Variants in ANKRD17 observed in about 807,000 individuals in gnomAD.
ANKRD17 encodes ankyrin repeat domain 17.
Under a neutral mutation model 229.7 loss-of-function variants are expected in ANKRD17, and 19 were observed. The observed-to-expected ratio is 0.08, with a 90% CI of 0.06 to 0.12. ANKRD17 has a LOEUF of 0.12. ANKRD17 is among the 10% of genes least tolerant of loss of function. The probability of loss-of-function intolerance (pLI) is 1.00; values close to 1 mark genes in which losing one functional copy is unlikely to be tolerated. For missense variants in ANKRD17, 2,176 were observed against 3,176.8 expected (o/e 0.68, Z 7.57); for synonymous variants, 1,112 against 1,146.1 (o/e 0.97, Z 0.60).
chr4:73,155,508 G>A (rs1731547370), intron 5 of ANKRD17, 123 bp downstream of exon 5: 3 of 1,013,762 alleles, frequency 3.0e-6, no homozygotes, highest in East Asian at 2.6e-5. Flanking sequence ...ACAGATGTGT[G>A]AGAATATGTA....
In ANKRD17 at chr4:73,098,595, A is replaced by G. The variant is rs139400978; in HGVS notation, c.4574-75T>C. The G allele has an allele frequency of 1.1e-4, 149 of 1,373,910 alleles. 1 individual carries two copies. In the East Asian group the frequency reaches 3.3e-3, roughly 30 times the overall value. The allele number at this position is 1,373,910 out of a possible 1,614,324, so 85.1% of individuals were successfully genotyped here. ...GTATTTAGCTATAAGCACTTGAAGAAAAGAAAAACCCAGGAGAGATACTCT... is the reference window on the plus strand; with the variant it reads ...GTATTTAGCTATAAGCACTTGAAGAGAAGAAAAACCCAGGAGAGATACTCT... On this transcript the variant is annotated intron_variant, in intron 25 of 33. Transcript: ENST00000358602.
intron 1 of ANKRD17, among the ~76,000 whole-genome samples, chr4:73,223,401 C>T (rs1288840864): frequency 2.6e-5 from 4 of 152,196 alleles, no homozygotes; most frequent in African/African-American, 9.7e-5. Context: ...GGTTACGCAG[C>T]AATTTATCCT....
chr4:73,095,812 A>G (rs112868735), intron 27 of ANKRD17, among the ~76,000 whole-genome samples: 110 of 151,976 alleles, frequency 7.2e-4, no homozygotes, highest in African/African-American at 2.4e-3. Context: ...ACCTTTCCCA[A>G]GTAGCTGAGA....
chr4:73,191,949 A>G (rs1313075385), intron 1 of ANKRD17, among the ~76,000 whole-genome samples: 2 of 152,076 alleles, frequency 1.3e-5, no homozygotes, highest in South Asian at 2.1e-4. Context: ...TTTTAACAGG[A>G]AAGACTATAA....
intron 24 of ANKRD17, among the ~76,000 whole-genome samples, chr4:73,104,286 G>A (rs1724352797): frequency 6.6e-6 from 1 of 152,162 alleles, no homozygotes; most frequent in African/African-American, 2.4e-5. Context: ...CAAGGGAGGA[G>A]TAATATCTGA....
At chr4:73,107,343 C>T (rs1441090722) in intron 24 of ANKRD17, among the ~76,000 whole-genome samples, 2 of 152,132 alleles carry the variant, frequency 1.3e-5, no homozygotes, top group African/African-American at 2.4e-5. Context: ...GGGGAAAGAT[C>T]CAACAAAAAT....
chr4:73,099,585 G>C (rs968273672), intron 25 of ANKRD17, among the ~76,000 whole-genome samples: 1 of 152,192 alleles, frequency 6.6e-6, no homozygotes, highest in African/African-American at 2.4e-5. Context: ...CCTTAAAAGG[G>C]GCCCAAGCCC....
Position 73,192,045 on chromosome 4 carries a change from A to T in ANKRD17, c.394-14512T>A, listed in dbSNP as rs1054418951. ...TTAAGAATAAAGCAGATTTACACAT[A>T]AAGGCCTAAACCACAACTATCTGTG... is the stretch of plus-strand genomic sequence containing the variant. On this transcript the variant is annotated intron_variant, in intron 1 of 33. Coordinates refer to ENST00000358602, the MANE Select transcript of ANKRD17 (RefSeq NM_032217.5). Among the ~76,000 whole-genome samples the T allele has an allele frequency of 3.3e-5, 5 of 152,214 alleles. No homozygotes were observed. The East Asian group carries it at 7.7e-4, about 23-fold the overall frequency.
intron 7 of ANKRD17, among the ~76,000 whole-genome samples, chr4:73,150,473 A>G (rs1436196073): frequency 6.6e-6 from 1 of 152,002 alleles, no homozygotes; most frequent in Admixed American, 6.6e-5. Flanking sequence ...AATCCTCACA[A>G]CTCCAGAGAA....
intron 23 of ANKRD17, among the ~76,000 whole-genome samples, chr4:73,114,190 A>AGCAAACAGAACTAC (rs1725657164): frequency 6.6e-6 from 1 of 152,216 alleles, no homozygotes; most frequent in African/African-American, 2.4e-5. Flanking sequence ...TAAATATAAG[A>AGCAAACAGAACTAC]AATTGTACAG....
chr4:73,118,069 T>C (rs1578101928), intron 22 of ANKRD17, among the ~76,000 whole-genome samples: 1 of 152,074 alleles, frequency 6.6e-6, no homozygotes, highest in African/African-American at 2.4e-5. Flanking sequence ...CGGGCTGGAG[T>C]GCGGTGGTGC....
intron 1 of ANKRD17, among the ~76,000 whole-genome samples, chr4:73,212,184 A>G (rs1740368213): frequency 6.6e-6 from 1 of 152,104 alleles, no homozygotes; most frequent in Non-Finnish European, 1.5e-5. Context: ...AATAACTCAA[A>G]ATGAAAAACC....
At position 73,187,403 on chromosome 4, in the gene ANKRD17, T is replaced by A. The variant is rs570804396; in HGVS notation, c.394-9870A>T. Among the ~76,000 whole-genome samples, 82 of 152,300 alleles carry A rather than the reference T, an allele frequency of 5.4e-4. 1 individual carries two copies. The South Asian group carries it at 0.016, about 29-fold the overall frequency. Reference sequence around the variant, plus strand: ...TTCTTAATATATGATTCACTAAAGTTATAAAAGTGGAAGTGAGACAGGAAA... The same window carrying A: ...TTCTTAATATATGATTCACTAAAGTAATAAAAGTGGAAGTGAGACAGGAAA... On this transcript the variant is annotated intron_variant, in intron 1 of 33. Transcript: ENST00000358602.
At chr4:73,229,988 G>C (rs1413765625) in intron 1 of ANKRD17, among the ~76,000 whole-genome samples, 1 of 151,884 alleles carries the variant, frequency 6.6e-6, no homozygotes, top group Non-Finnish European at 1.5e-5. Context: ...CAAGAATACA[G>C]GGCCACACAT....
intron 1 of ANKRD17, among the ~76,000 whole-genome samples, chr4:73,229,697 A>G (rs900529856): frequency 2.0e-5 from 3 of 151,866 alleles, no homozygotes; most frequent in African/African-American, 7.2e-5. Context: ...GGGGAGTCCA[A>G]TGATCTACCC....
chr4:73,077,128 T>A, intron 32 of ANKRD17, 24 bp from the exon 33 acceptor site: 2 of 1,539,432 alleles, frequency 1.3e-6, no homozygotes, highest in Non-Finnish European at 1.7e-6. Flanking sequence ...AACACACACA[T>A]TAACATCCAA....
At chr4:73,084,200 T>C (rs1042238919) in intron 30 of ANKRD17, among the ~76,000 whole-genome samples, 1 of 152,026 alleles carries the variant, frequency 6.6e-6, no homozygotes, top group Non-Finnish European at 1.5e-5. Flanking sequence ...GCCAATGTAG[T>C]GAAACTGTCT....
chr4:73,100,210 C>T (rs1723801014), intron 25 of ANKRD17, among the ~76,000 whole-genome samples: 1 of 152,210 alleles, frequency 6.6e-6, no homozygotes, highest in Admixed American at 6.5e-5. Context: ...GCCACGATCC[C>T]CTCCCCTAAG....
chr4:73,145,105 C>T (rs2148834306), intron 10 of ANKRD17, among the ~76,000 whole-genome samples: 1 of 152,066 alleles, frequency 6.6e-6, no homozygotes, highest in Non-Finnish European at 1.5e-5. Flanking sequence ...ATCATGATGC[C>T]CTCATCTAAA....
Sources: allele counts gnomAD v4.1 joint callset (sites outside exome capture counted in the v4.1 genomes callset), GRCh38; gene constraint gnomAD v4.1.1; transcripts MANE v1.5; gene names NCBI Gene and HGNC (gene_info 2026-07-23, HGNC 2026-07-21).